PTPRD: variants seen among roughly 807,000 people sequenced by gnomAD.
PTPRD encodes the protein receptor-type tyrosine-protein phosphatase delta.
A neutral mutation model predicts 214.5 loss-of-function variants in PTPRD; 34 were observed. The observed-to-expected ratio is 0.16, with a 90% confidence interval of 0.12 to 0.21. The LOEUF is 0.21. PTPRD is among the 10% of genes least tolerant of loss of function. The pLI, the probability that PTPRD is intolerant of heterozygous loss-of-function variation, is 1.00. For synonymous variants in PTPRD, 1,128 were observed against 845.7 expected (o/e 1.33, Z -5.79); for missense variants, 2,545 against 2,398.7 (o/e 1.06, Z -1.27).
chr9:9,484,804 A>T (rs137993511), intron 8 of PTPRD, among the ~76,000 whole-genome samples: 52 of 152,240 alleles, frequency 3.4e-4, no homozygotes, highest in African/African-American at 1.2e-3. Context: ...TTGACCACCA[A>T]GCAATACTGC....
chr9:10,562,416 T>C (rs1435659179), intron 2 of PTPRD, among the ~76,000 whole-genome samples: 3 of 151,986 alleles, frequency 2.0e-5, no homozygotes, highest in Non-Finnish European at 4.4e-5. Context: ...AACTGTTCTG[T>C]ATGTTTGTCT....
intron 4 of PTPRD, among the ~76,000 whole-genome samples, chr9:9,983,796 T>C (rs1039682956): frequency 1.3e-5 from 2 of 152,240 alleles, no homozygotes; most frequent in Non-Finnish European, 2.9e-5. Context: ...AATTGATGCC[T>C]AATTGAGCAT....
chr9:10,303,710 CAAG>C (rs61013607), intron 3 of PTPRD, among the ~76,000 whole-genome samples: 37,028 of 151,710 alleles, frequency 0.24, 4,956 homozygotes, highest in African/African-American at 0.37. Context: ...AAGACTAAAC[CAAG>C]AAGAAGTCCA....
At chr9:8,551,351 C>T (rs528981599) in intron 14 of PTPRD, among the ~76,000 whole-genome samples, 3 of 152,172 alleles carry the variant, frequency 2.0e-5, no homozygotes, top group African/African-American at 7.2e-5. Flanking sequence ...TAATTTAAAC[C>T]CATTTAATCT....
intron 7 of PTPRD, among the ~76,000 whole-genome samples, chr9:9,695,050 C>T (rs112625050): frequency 0.031 from 4,776 of 152,200 alleles, 116 homozygotes; most frequent in Middle Eastern, 0.051. Flanking sequence ...CTGTAGCCAC[C>T]GTAGCTGAGA....
chr9:8,555,342 A>T (rs1173955563), intron 14 of PTPRD, among the ~76,000 whole-genome samples: 1 of 152,152 alleles, frequency 6.6e-6, no homozygotes, highest in African/African-American at 2.4e-5. Flanking sequence ...AGGAGGACAA[A>T]GCTGCAGTAA....
chr9:9,886,328 G>T (rs910903612), intron 5 of PTPRD, among the ~76,000 whole-genome samples: 2 of 152,044 alleles, frequency 1.3e-5, no homozygotes, highest in African/African-American at 4.8e-5. Flanking sequence ...TAATTCACGG[G>T]CATTTACATA....
At chr9:9,673,341 G>C (rs2096866413) in intron 7 of PTPRD, among the ~76,000 whole-genome samples, 1 of 151,786 alleles carries the variant, frequency 6.6e-6, no homozygotes, top group Non-Finnish European at 1.5e-5. Flanking sequence ...TGTTAACTCA[G>C]AGAAACTACT....
intron 2 of PTPRD, among the ~76,000 whole-genome samples, chr9:10,522,361 TATG>T (rs1176905842): frequency 6.6e-6 from 1 of 152,198 alleles, no homozygotes; most frequent in Non-Finnish European, 1.5e-5. Context: ...GGTGCTTATA[TATG>T]ATAATTCAGA....
At chr9:8,430,568 T>C (rs1399459869) in intron 35 of PTPRD, among the ~76,000 whole-genome samples, 1 of 152,086 alleles carries the variant, frequency 6.6e-6, no homozygotes, top group African/African-American at 2.4e-5. Context: ...TGAGCCACTG[T>C]GCCCAGCTGG....
chr9:8,837,651 C>T (rs1303615273), intron 11 of PTPRD, among the ~76,000 whole-genome samples: 1 of 152,042 alleles, frequency 6.6e-6, no homozygotes, highest in Non-Finnish European at 1.5e-5. Context: ...TGCATACCAC[C>T]ATGCCTCGCT....
At chr9:8,804,246 C>T (rs962189404) in intron 11 of PTPRD, among the ~76,000 whole-genome samples, 1 of 152,094 alleles carries the variant, frequency 6.6e-6, no homozygotes, top group African/African-American at 2.4e-5. Context: ...AGCCACTGTG[C>T]CCAGCCCCTC....
Position 10,494,050 on chromosome 9 carries a change from G to T in PTPRD, c.-600+118348C>A, listed in dbSNP as rs78534178. Among the ~76,000 whole-genome samples the T allele has an allele frequency of 2.7e-3, 412 of 151,940 alleles. 1 individual carries two copies. The highest frequency in any genetic ancestry group is 2.8e-3 in the Non-Finnish European group (189 of 67,842). The stretch of plus-strand genomic sequence containing the variant: ...TGCCTTCTTGTAATTAACACGCTGG[G>T]ATTTGTGAGCAGTAGATTTTGCTGG... On this transcript the variant is annotated intron_variant, in intron 2 of 45. Transcript: ENST00000381196.
intron 4 of PTPRD, among the ~76,000 whole-genome samples, chr9:9,977,855 T>G (rs956478137): frequency 1.3e-5 from 2 of 152,134 alleles, no homozygotes; most frequent in African/African-American, 4.8e-5. Context: ...AAAGGTCTAT[T>G]TAAATTTGAA....
chr9:9,897,080 C>A (rs1426907211), intron 5 of PTPRD, among the ~76,000 whole-genome samples: 1 of 151,668 alleles, frequency 6.6e-6, no homozygotes, highest in African/African-American at 2.4e-5. Flanking sequence ...ATTCCTCCTT[C>A]CTGGGAAGTA....
intron 2 of PTPRD, among the ~76,000 whole-genome samples, chr9:10,590,631 A>G (rs1010697991): frequency 6.6e-6 from 1 of 151,876 alleles, no homozygotes; most frequent in Admixed American, 6.6e-5. Flanking sequence ...TTCATTCTTG[A>G]GTGTATCAGT....
intron 9 of PTPRD, among the ~76,000 whole-genome samples, chr9:9,308,740 G>A (rs116523601): frequency 1.8e-3 from 276 of 152,142 alleles, no homozygotes; most frequent in African/African-American, 6.4e-3. Context: ...TTATTAAAAT[G>A]GATATTTTGA....
At chr9:9,417,627 T>A (rs1054885820) in intron 8 of PTPRD, among the ~76,000 whole-genome samples, 3 of 152,036 alleles carry the variant, frequency 2.0e-5, no homozygotes, top group Non-Finnish European at 2.9e-5. Flanking sequence ...AAAATTATAG[T>A]CACAACAAAA....
At chr9:9,864,021 T>C (rs117446323) in intron 5 of PTPRD, among the ~76,000 whole-genome samples, 2,304 of 152,258 alleles carry the variant, frequency 0.015, 26 homozygotes, top group African/African-American at 0.02. Flanking sequence ...TTTGAAAGGT[T>C]TGGCCGGGCG....
Sources: allele counts gnomAD v4.1 joint callset (sites outside exome capture counted in the v4.1 genomes callset), GRCh38; gene constraint gnomAD v4.1.1; transcripts MANE v1.5; gene names NCBI Gene and HGNC (gene_info 2026-07-23, HGNC 2026-07-21).